Variants in TRMT11 observed in about 807,000 individuals in gnomAD.
TRMT11 encodes tRNA (guanine(10)-N(2))-methyltransferase TRMT11.
Under a neutral mutation model 62.8 loss-of-function variants are expected in TRMT11, and 53 were observed. The observed-to-expected ratio is 0.84, with a 90% confidence interval of 0.68 to 1.06. TRMT11 has a LOEUF of 1.06. TRMT11 is among the 50% of genes least tolerant of loss of function. The pLI is 0.00. For synonymous variants in TRMT11, 188 were observed against 190.3 expected (o/e 0.99, Z 0.10); for missense variants, 556 against 553.4 (o/e 1.00, Z -0.05).
chr6:126,018,255 A>G (rs1795279684), intron 11 of TRMT11, among the ~76,000 whole-genome samples: 1 of 152,214 alleles, frequency 6.6e-6, no homozygotes, highest in Non-Finnish European at 1.5e-5. Flanking sequence ...ATGAGTGAAG[A>G]GAACATGTTT....
intron 1 of TRMT11, among the ~76,000 whole-genome samples, chr6:125,989,585 T>TA (rs749040187): frequency 6.6e-6 from 1 of 152,184 alleles, no homozygotes; most frequent in African/African-American, 2.4e-5. Context: ...TGTGACTGTG[T>TA]AAAGTAAGGC....
chr6:126,062,650 A>G (rs763069509), intron 17 of TRMT11, among the ~76,000 whole-genome samples: 17 of 152,136 alleles, frequency 1.1e-4, no homozygotes, highest in Admixed American at 7.9e-4. Context: ...GGAAAATAGC[A>G]ATGTTAATAC....
intron 21 of TRMT11, among the ~76,000 whole-genome samples, chr6:126,167,854 C>T (rs1778286576): frequency 1.3e-5 from 2 of 152,178 alleles, no homozygotes; most frequent in Non-Finnish European, 2.9e-5. Context: ...TGTAATCAGT[C>T]AGCCTCTGAT....
At chr6:126,159,749 A>G (rs897162620) in intron 21 of TRMT11, among the ~76,000 whole-genome samples, 11 of 152,112 alleles carry the variant, frequency 7.2e-5, no homozygotes, top group Non-Finnish European at 1.2e-4. Flanking sequence ...CTAGAGGAGA[A>G]TCCTTCCCTG....
chr6:126,063,262 A>T (rs1333027921), intron 17 of TRMT11, among the ~76,000 whole-genome samples: 8 of 152,176 alleles, frequency 5.3e-5, no homozygotes, highest in Admixed American at 5.2e-4. Context: ...TTTTTGGTTC[A>T]AAATAAGGAC....
chr6:126,019,689 TTTTA>T (rs1329949283), intron 11 of TRMT11, among the ~76,000 whole-genome samples: 1 of 152,180 alleles, frequency 6.6e-6, no homozygotes, highest in African/African-American at 2.4e-5. Context: ...TGTTAGCACT[TTTTA>T]TTTTAGTCTC....
chr6:126,002,248 A>G (rs1792622266), intron 7 of TRMT11, among the ~76,000 whole-genome samples: 1 of 152,222 alleles, frequency 6.6e-6, no homozygotes, highest in African/African-American at 2.4e-5. Context: ...ATTCTTATAT[A>G]CTGTGCGTAT....
chr6:126,166,322 C>A (rs1370561851), intron 21 of TRMT11, among the ~76,000 whole-genome samples: 4 of 152,120 alleles, frequency 2.6e-5, no homozygotes, highest in Admixed American at 1.3e-4. Context: ...GGGGTTTTTG[C>A]ATGGGCATCC....
At chr6:126,107,841 T>G (rs1777481703) in intron 17 of TRMT11, among the ~76,000 whole-genome samples, 1 of 152,152 alleles carries the variant, frequency 6.6e-6, no homozygotes, top group African/African-American at 2.4e-5. Context: ...AGGAAACAAA[T>G]GAAGTCTGTC....
intron 1 of TRMT11, among the ~76,000 whole-genome samples, chr6:125,987,989 G>A (rs1401310059): frequency 2.0e-5 from 3 of 152,110 alleles, no homozygotes; most frequent in Non-Finnish European, 2.9e-5. Flanking sequence ...ATTACTCAAA[G>A]GATAAGGTCA....
At chr6:126,185,962 C>A (rs767494051) in intron 1 of TRMT11, among the ~76,000 whole-genome samples, 28 of 152,140 alleles carry the variant, frequency 1.8e-4, no homozygotes, top group Non-Finnish European at 3.4e-4. Context: ...CCTGCCAGGT[C>A]CCTTCCATGA....
chr6:126,118,613 T>C (rs1777615550), intron 21 of TRMT11, among the ~76,000 whole-genome samples: 1 of 152,122 alleles, frequency 6.6e-6, no homozygotes, highest in South Asian at 2.1e-4. Flanking sequence ...TCTTCCTATT[T>C]CTTGAATACA....
chr6:126,149,574 C>T (rs1039221626), intron 21 of TRMT11, among the ~76,000 whole-genome samples: 12 of 152,180 alleles, frequency 7.9e-5, no homozygotes, highest in African/African-American at 2.7e-4. Flanking sequence ...AACCCTCTTA[C>T]CAAACTCAAG....
chr6:126,122,633 G>A (rs1378965837), intron 21 of TRMT11, among the ~76,000 whole-genome samples: 1 of 152,092 alleles, frequency 6.6e-6, no homozygotes, highest in Non-Finnish European at 1.5e-5. Context: ...GGCCCTGCTG[G>A]GCTTCCCCAC....
intron 21 of TRMT11, among the ~76,000 whole-genome samples, chr6:126,132,334 C>G (rs1447643989): frequency 6.6e-6 from 1 of 152,012 alleles, no homozygotes; most frequent in East Asian, 1.9e-4. Flanking sequence ...TGCTTTTGCT[C>G]TTAGTCACCT....
At chr6:126,167,375 C>G (rs1778280930) in intron 21 of TRMT11, among the ~76,000 whole-genome samples, 1 of 152,216 alleles carries the variant, frequency 6.6e-6, no homozygotes, top group Non-Finnish European at 1.5e-5. Flanking sequence ...AGGAAGTTCT[C>G]TGACCCCTTG....
downstream of TRMT11, among the ~76,000 whole-genome samples, chr6:126,206,021 G>T (rs1265309381): frequency 3.9e-5 from 6 of 152,186 alleles, no homozygotes; most frequent in East Asian, 1.2e-3. Flanking sequence ...AGCTACTGCT[G>T]CCAATTTGTA....
chr6:126,069,957 A>G (rs1329902962), intron 17 of TRMT11, among the ~76,000 whole-genome samples: 1 of 152,016 alleles, frequency 6.6e-6, no homozygotes, highest in Non-Finnish European at 1.5e-5. Flanking sequence ...TAGAAGAGTT[A>G]AGATATGGCT....
chr6:126,259,646 AG>A, the TRMT11 span, among the ~76,000 whole-genome samples: 1 of 152,072 alleles, frequency 6.6e-6, no homozygotes, highest in Non-Finnish European at 1.5e-5. Context: ...ATTCTTAGTA[AG>A]GGTATTGTTG....
Sources: gnomAD v4.1 joint callset for allele counts (sites outside exome capture counted in the v4.1 genomes callset) on GRCh38, gnomAD v4.1.1 for gene constraint, MANE v1.5 for transcripts, NCBI Gene and HGNC (gene_info 2026-07-23, HGNC 2026-07-21) for gene names.